Variants in PKP1 observed in about 807,000 individuals in gnomAD.
PKP1 encodes the protein plakophilin 1, also known as plakophilin-1.
A neutral mutation model predicts 76.4 loss-of-function variants in PKP1; 27 were observed. That is an observed-to-expected ratio of 0.35 (90% CI 0.26 to 0.49). PKP1 has a LOEUF of 0.49. Among genes scored for constraint, PKP1 ranks in the 20% least tolerant of loss-of-function variants. PKP1 has a pLI of 0.99. For missense variants in PKP1, 964 were observed against 955.2 expected, an observed-to-expected ratio of 1.01 and a Z score of -0.12; for synonymous variants, 404 against 384.2, an observed-to-expected ratio of 1.05 and a Z score of -0.60.
intron 2 of PKP1, among the ~76,000 whole-genome samples, chr1:201,304,187 C>T (rs925807364): frequency 4.6e-5 from 7 of 152,306 alleles, no homozygotes; most frequent in South Asian, 4.1e-4. Flanking sequence ...GGGGTGCTCA[C>T]GGGTAGCCAG....
At position 201,289,452 on chromosome 1, in the gene PKP1, C is replaced by T. The variant is rs558865980; in HGVS notation, c.203-4490C>T. Among the ~76,000 whole-genome samples, 41 of 152,224 alleles carry T rather than the reference C, an allele frequency of 2.7e-4. No individual in the cohort carries two copies. The Middle Eastern group carries it at 0.014, about 51-fold the overall frequency. On this transcript the variant is annotated intron_variant, in intron 1 of 13. Coordinates refer to ENST00000367324, the MANE Select transcript of PKP1 (RefSeq NM_001005337.3). ...AGACAGAGTAAGCAAGAATGTGTTCCGAGCAGCTTGCCCTGTGACGAAGGA... is the reference window on the plus strand; with the variant it reads ...AGACAGAGTAAGCAAGAATGTGTTCTGAGCAGCTTGCCCTGTGACGAAGGA...
intron 2 of PKP1, among the ~76,000 whole-genome samples, chr1:201,296,874 A>T (rs1324514724): frequency 6.6e-6 from 1 of 152,144 alleles, no homozygotes; most frequent in Non-Finnish European, 1.5e-5. Context: ...AATATTACTC[A>T]CTTGGAGCAC....
intron 2 of PKP1, among the ~76,000 whole-genome samples, chr1:201,299,240 T>G (rs1656155525): frequency 6.6e-6 from 1 of 152,258 alleles, no homozygotes; most frequent in South Asian, 2.1e-4. Flanking sequence ...TAGTCAAGTC[T>G]GCTCCTTAAC....
intron 2 of PKP1, among the ~76,000 whole-genome samples, chr1:201,300,345 G>A (rs1656192203): frequency 6.6e-6 from 1 of 152,230 alleles, no homozygotes; most frequent in African/African-American, 2.4e-5. Flanking sequence ...CTCCTTGGGA[G>A]GGGCCCTCCT....
In PKP1 at chr1:201,323,273, C is replaced by T. The variant is rs1002452355; in HGVS notation, c.1680+84C>T. ...CTCTGCTCCCTCCTTTTCCCCCCAG[C>T]CTGTCCCCTGACTTCGGAGCCTCCC... is the stretch of plus-strand genomic sequence containing the variant. On this transcript the variant is annotated intron_variant, in intron 9 of 13. Transcript: ENST00000367324. 2.2e-6 allele frequency: 3 copies of T among 1,351,120 alleles called. No homozygotes were observed. In the African/African-American group the frequency reaches 4.3e-5, roughly 19 times the overall value. The allele number at this position is 1,351,120 out of a possible 1,614,324, so 83.7% of individuals were successfully genotyped here. A position where few individuals can be genotyped will look rare whatever the true frequency, so the allele number is the denominator to read the frequency against.
Position 201,283,638 on chromosome 1 carries a change from C to T in PKP1, c.-65C>T. The T allele has an allele frequency of 7.1e-7, 1 of 1,414,264 alleles. No individual in the cohort carries two copies. The highest frequency in any genetic ancestry group is 2.4e-5 in the East Asian group (1 of 41,244). 87.6% of individuals were successfully genotyped at this position (1,414,264 alleles called of 1,614,324 possible). A position where few individuals can be genotyped will look rare whatever the true frequency, so the allele number is the denominator to read the frequency against. On this transcript the variant is annotated 5_prime_UTR_variant, in exon 1 of 14. Transcript: ENST00000367324. ...AGCACGCTCCTGCCCGCCCGCTGCA[C>T]CGCACCTCGCCTCGCCTCTCTGCTC...
intron 2 of PKP1, among the ~76,000 whole-genome samples, chr1:201,302,970 G>A (rs1656280151): frequency 6.6e-6 from 1 of 152,234 alleles, no homozygotes; most frequent in Non-Finnish European, 1.5e-5. Flanking sequence ...CAGCTAGGCA[G>A]GGGAGACCAA....
At chr1:201,300,223 C>T (rs778002906) in intron 2 of PKP1, among the ~76,000 whole-genome samples, 34 of 152,238 alleles carry the variant, frequency 2.2e-4, no homozygotes, top group Admixed American at 1.8e-3. Context: ...CAGGGGCACC[C>T]CTCCCTGTGG....
intron 2 of PKP1, among the ~76,000 whole-genome samples, chr1:201,300,548 G>A (rs1275450481): frequency 6.6e-6 from 1 of 152,226 alleles, no homozygotes; most frequent in Admixed American, 6.5e-5. Context: ...AGAGAATGTG[G>A]AGAAAAGGAA....
At chr1:201,284,616 C>T (rs1418348465) in intron 1 of PKP1, among the ~76,000 whole-genome samples, 1 of 152,228 alleles carries the variant, frequency 6.6e-6, no homozygotes, top group Non-Finnish European at 1.5e-5. Context: ...GAAGGCCGCC[C>T]CAGGGCCAGT....
chr1:201,312,828 C>A (rs1289299849), intron 2 of PKP1, among the ~76,000 whole-genome samples: 6 of 152,200 alleles, frequency 3.9e-5, no homozygotes, highest in African/African-American at 1.4e-4. Context: ...ACGTATGTTG[C>A]AACCCAGTAC....
chr1:201,315,093 A>G (rs1289690988), intron 3 of PKP1, among the ~76,000 whole-genome samples: 1 of 152,278 alleles, frequency 6.6e-6, no homozygotes, highest in Non-Finnish European at 1.5e-5. Flanking sequence ...AGGCGTATTT[A>G]GGATGATCTG....
Position 201,330,898 on chromosome 1 carries a change from T to C in PKP1, c.*857T>C, listed in dbSNP as rs1657302332. On this transcript the variant is annotated 3_prime_UTR_variant, in exon 14 of 14. Transcript: ENST00000367324. ...TGTGCCCATCAGAGCAGGCTCAGCC[T>C]GCAAAGGCCCTGCATTCAGAGGTCT... 1 of 152,284 alleles carries C rather than the reference T, an allele frequency of 6.6e-6. No homozygotes were observed. Among genetic ancestry groups the C allele is most frequent in the African/African-American group, 2.4e-5 (1 of 41,468 alleles). The allele number at this position is 152,284 out of a possible 1,614,324, so 9.4% of individuals were successfully genotyped here.
At chr1:201,309,959 G>A (rs1656488508) in intron 2 of PKP1, among the ~76,000 whole-genome samples, 2 of 152,224 alleles carry the variant, frequency 1.3e-5, no homozygotes, top group Admixed American at 1.3e-4. Flanking sequence ...CATCTGGGCA[G>A]ACCATGCTCC....
chr1:201,283,568 G>A lies in PKP1; in HGVS notation c.-135G>A. The A allele has an allele frequency of 3.8e-6, 3 of 791,170 alleles. No individual in the cohort carries two copies. Among genetic ancestry groups the A allele is most frequent in the Non-Finnish European group, 6.4e-6 (3 of 469,362 alleles). The allele number at this position is 791,170 out of a possible 1,614,324, so 49.0% of individuals were successfully genotyped here. A position where few individuals can be genotyped will look rare whatever the true frequency, so the allele number is the denominator to read the frequency against. On this transcript the variant is annotated 5_prime_UTR_variant, in exon 1 of 14. Transcript: ENST00000367324. ...GAGCAGCTGCAGGGAGCCCTCACGC[G>A]GACCACGCACTCTATGGCCGTAGGG...
At position 201,322,130 on chromosome 1, in the gene PKP1, G is replaced by A. The variant is rs561719416; in HGVS notation, c.1500G>A (p.Met500Ile). The A allele has an allele frequency of 3.7e-6, 6 of 1,610,842 alleles. No homozygotes were observed. In the South Asian group the frequency reaches 4.4e-5, roughly 12 times the overall value. ...GCTTCAGCAACAAGAGCGACAAGAT[G>A]ATGGTGAGCACAGCATCAGCAGGGC... The part of the protein sequence containing the change: ...TGCFSNKSDK[M>I]MNNNYDCPLP... Residue 500 changes from methionine (M) to isoleucine (I), a missense_variant, in exon 8 of 14, where the codon ATG becomes ATA. By Grantham distance (10) the Met-to-Ile change is conservative (BLOSUM62 1). Transcript: ENST00000367324.
At chr1:201,302,566 G>A (rs976010246) in intron 2 of PKP1, among the ~76,000 whole-genome samples, 13 of 152,286 alleles carry the variant, frequency 8.5e-5, no homozygotes, top group African/African-American at 3.1e-4. Flanking sequence ...TGGAAGAGCC[G>A]TCCCCACCCT....
At chr1:201,292,245 A>G (rs572727544) in intron 1 of PKP1, among the ~76,000 whole-genome samples, 1 of 152,250 alleles carries the variant, frequency 6.6e-6, no homozygotes, top group Admixed American at 6.5e-5. Flanking sequence ...GGCACGTGTC[A>G]CTATCATCAC....
At chr1:201,286,619 A>G (rs1179438074) in intron 1 of PKP1, among the ~76,000 whole-genome samples, 1 of 152,168 alleles carries the variant, frequency 6.6e-6, no homozygotes, top group Non-Finnish European at 1.5e-5. Context: ...CTGGTCATGA[A>G]GGCCCCGGGC....
Sources: allele counts gnomAD v4.1 joint callset (sites outside exome capture counted in the v4.1 genomes callset), GRCh38; gene constraint gnomAD v4.1.1; transcripts MANE v1.5; gene names NCBI Gene and HGNC (gene_info 2026-07-23, HGNC 2026-07-21).